EDAR: variants seen among roughly 807,000 people sequenced by gnomAD.
The protein encoded by EDAR is tumor necrosis factor receptor superfamily member EDAR.
In EDAR, 38 loss-of-function variants were observed where a neutral mutation model predicts 51.3. The observed-to-expected ratio is 0.74, with a 90% CI of 0.57 to 0.97. The LOEUF is 0.97. Among genes scored for constraint, EDAR ranks in the 50% least tolerant of loss-of-function variants. EDAR has a pLI of 0.00. For missense variants in EDAR, 528 were observed against 595.0 expected (o/e 0.89, Z 1.17); for synonymous variants, 227 against 242.1 (o/e 0.94, Z 0.58).
At chr2:108,962,976 G>C (rs1320400542) in intron 1 of EDAR, among the ~76,000 whole-genome samples, 4 of 152,188 alleles carry the variant, frequency 2.6e-5, no homozygotes, top group Non-Finnish European at 5.9e-5. Context: ...AGGGCTCACT[G>C]TGCACTTGTC....
chr2:108,899,161 A>G (rs974987471), intron 11 of EDAR, among the ~76,000 whole-genome samples: 2 of 147,698 alleles, frequency 1.4e-5, no homozygotes, highest in African/African-American at 5.3e-5. Flanking sequence ...ACAAAGTCTT[A>G]GAAACAGCCA....
At chr2:108,953,046 A>C (rs1697855177) in intron 1 of EDAR, among the ~76,000 whole-genome samples, 1 of 152,026 alleles carries the variant, frequency 6.6e-6, no homozygotes, top group Non-Finnish European at 1.5e-5. Flanking sequence ...GGTACATGAG[A>C]TATTTTGATA....
At position 108,930,169 on chromosome 2, in the gene EDAR, CCCGT is replaced by C. The variant is rs773626655; in HGVS notation, c.121_124del (p.Thr41GlyfsTer61). On this transcript the variant is annotated frameshift_variant, in exon 3 of 12. Transcript: ENST00000258443. LOFTEE classifies it high-confidence loss of function. ...ACACGGGGGGCACTCCTGGCACAGC[CCCGT>C]AGTCTGGTTGTAGTACTCGTTCTCA... is the stretch of plus-strand genomic sequence containing the variant. The C allele has an allele frequency of 6.2e-7, 1 of 1,614,050 alleles. No individual in the cohort carries two copies. The highest frequency in any genetic ancestry group is 8.5e-7 in the Non-Finnish European group (1 of 1,180,032).
chr2:108,910,354 T>C, intron 9 of EDAR, 106 bp downstream of exon 9: 1 of 897,158 alleles, frequency 1.1e-6, no homozygotes, highest in Admixed American at 2.0e-5. Flanking sequence ...GTCCCCATAG[T>C]GTCCCAGGCT....
chr2:108,949,018 C>T (rs1697771079), intron 1 of EDAR, among the ~76,000 whole-genome samples: 1 of 152,110 alleles, frequency 6.6e-6, no homozygotes, highest in Non-Finnish European at 1.5e-5. Flanking sequence ...ACTCTGTCAC[C>T]CAGGCTGGAG....
chr2:108,988,099 C>T (rs946924551), intron 1 of EDAR, among the ~76,000 whole-genome samples: 12 of 152,212 alleles, frequency 7.9e-5, no homozygotes, highest in African/African-American at 2.9e-4. Context: ...TCCTCACATG[C>T]GTGTACCCCT....
At position 108,970,315 on chromosome 2, in the gene EDAR, C is replaced by G. The variant is rs1018165839; in HGVS notation, c.-19+18645G>C. Among the ~76,000 whole-genome samples, 5 of 152,082 alleles carry G rather than the reference C, an allele frequency of 3.3e-5. 1 individual carries two copies. Among genetic ancestry groups the G allele is most frequent in the Admixed American group, 3.3e-4 (5 of 15,258 alleles). On this transcript the variant is annotated intron_variant, in intron 1 of 11. Transcript: ENST00000258443. ...GACATGAGATGTTTGGAGTCAGTGACAGGATGCAGGAAATATTTCAGGACT... is the reference window on the plus strand; with the variant it reads ...GACATGAGATGTTTGGAGTCAGTGAGAGGATGCAGGAAATATTTCAGGACT...
At chr2:108,914,128 C>T (rs1349298981) in intron 5 of EDAR, among the ~76,000 whole-genome samples, 4 of 151,550 alleles carry the variant, frequency 2.6e-5, no homozygotes, top group Admixed American at 6.6e-5. Context: ...GGCATGATGG[C>T]GCATGCCTGT....
intron 5 of EDAR, among the ~76,000 whole-genome samples, chr2:108,920,568 T>C (rs185024936): frequency 2.6e-5 from 4 of 152,272 alleles, no homozygotes; most frequent in Admixed American, 2.0e-4. Context: ...TTGCAGTCAC[T>C]GAGTACAGGC....
intron 4 of EDAR, 87 bp downstream of exon 4, chr2:108,929,111 A>G: frequency 2.7e-6 from 4 of 1,487,846 alleles, no homozygotes; most frequent in Non-Finnish European, 3.7e-6. Flanking sequence ...AGTATCCATG[A>G]CCCCTGTTCC....
intron 5 of EDAR, among the ~76,000 whole-genome samples, chr2:108,918,220 C>T (rs1377897999): frequency 6.6e-6 from 1 of 152,204 alleles, no homozygotes; most frequent in African/African-American, 2.4e-5. Flanking sequence ...CAGCCCTGTG[C>T]AGCCCCCAGG....
chr2:108,961,592 T>G (rs1218768554), intron 1 of EDAR, among the ~76,000 whole-genome samples: 1 of 152,162 alleles, frequency 6.6e-6, no homozygotes, highest in Non-Finnish European at 1.5e-5. Context: ...AAACAGACAT[T>G]TACATTAAAA....
intron 1 of EDAR, among the ~76,000 whole-genome samples, chr2:108,947,219 T>G (rs1050206642): frequency 4.6e-5 from 7 of 152,232 alleles, no homozygotes; most frequent in Non-Finnish European, 1.0e-4. Flanking sequence ...ATCCAGGGCA[T>G]GCTGATGCAA....
intron 1 of EDAR, among the ~76,000 whole-genome samples, chr2:108,974,864 A>G (rs1051069630): frequency 1.3e-5 from 2 of 152,296 alleles, no homozygotes; most frequent in Admixed American, 6.5e-5. Context: ...GAGCTGCCTC[A>G]CCAGGCCTGC....
chr2:108,923,261 G>C, intron 5 of EDAR, 107 bp downstream of exon 5: 1 of 1,097,186 alleles, frequency 9.1e-7, no homozygotes, highest in Non-Finnish European at 1.4e-6. Context: ...CTGTTACTGT[G>C]ATTCACCTTG....
chr2:108,930,076 C>T (rs1328106028), intron 3 of EDAR, 44 bp downstream of exon 3: 5 of 1,590,288 alleles, frequency 3.1e-6, no homozygotes, highest in Non-Finnish European at 4.3e-6. Context: ...AGCAGGAGGC[C>T]TCCCCTGAGA....
chr2:108,967,419 G>A (rs1017671962), intron 1 of EDAR, among the ~76,000 whole-genome samples: 1 of 152,210 alleles, frequency 6.6e-6, no homozygotes, highest in African/African-American at 2.4e-5. Context: ...TGTGGGCTAA[G>A]AGCAGGAGCA....
chr2:108,927,492 C>A (rs1697278748), intron 4 of EDAR, among the ~76,000 whole-genome samples: 1 of 152,188 alleles, frequency 6.6e-6, no homozygotes, highest in Non-Finnish European at 1.5e-5. Flanking sequence ...AGCACGTGGT[C>A]TTCAGGCCAT....
rs1251656516 is a variant in EDAR, at chr2:108,907,911, C to A, written c.912G>T (p.Ser304=). 12 of 1,613,578 alleles carry A rather than the reference C, an allele frequency of 7.4e-6. No homozygotes were observed. The highest frequency in any genetic ancestry group is 8.5e-6 in the Non-Finnish European group (10 of 1,180,042). The part of the protein sequence containing the change: ...KQGSPELCLL[S]LVHLAREKSA... ...ACTTCTCCCTGGCCAGGTGAACCAGCGACAGCAGGCACAGCTCCGGGGAGC... is the reference window on the plus strand; with the variant it reads ...ACTTCTCCCTGGCCAGGTGAACCAGAGACAGCAGGCACAGCTCCGGGGAGC... Residue 304 remains serine (S), a synonymous_variant, in exon 10 of 12, where the codon TCG becomes TCT. Transcript: ENST00000258443.
Sources: allele counts gnomAD v4.1 joint callset (sites outside exome capture counted in the v4.1 genomes callset), GRCh38; gene constraint gnomAD v4.1.1; transcripts MANE v1.5; gene names NCBI Gene and HGNC (gene_info 2026-07-23, HGNC 2026-07-21).